PADI3: variants seen among roughly 807,000 people sequenced by gnomAD.
PADI3 encodes the protein peptidyl arginine deiminase 3.
Under a neutral mutation model 71.5 loss-of-function variants are expected in PADI3, and 53 were observed. That is an observed-to-expected ratio of 0.74 (90% CI 0.59 to 0.93). The LOEUF (loss-of-function observed/expected upper bound fraction) is 0.93. PADI3 is among the 40% of genes least tolerant of loss of function. PADI3 has a pLI of 0.00. For missense variants in PADI3, 821 were observed against 868.0 expected (o/e 0.95, Z 0.68); for synonymous variants, 361 against 347.5 (o/e 1.04, Z -0.43).
In PADI3 at chr1:17,249,625, C is replaced by G. The variant is rs189140446; in HGVS notation, c.92+396C>G. Among the ~76,000 whole-genome samples the G allele has an allele frequency of 2.7e-3, 407 of 152,342 alleles. 2 individuals carry two copies. Among genetic ancestry groups the G allele is most frequent in the Middle Eastern group, 0.01 (3 of 294 alleles). On this transcript the variant is annotated intron_variant, in intron 1 of 15. Coordinates refer to ENST00000375460, the MANE Select transcript of PADI3 (RefSeq NM_016233.2). ...CATCCTGAGCCTATGAGCCTAGAAACAGAGCATGAATCATTTTTAAAAAAT... is the reference window on the plus strand; with the variant it reads ...CATCCTGAGCCTATGAGCCTAGAAAGAGAGCATGAATCATTTTTAAAAAAT...
chr1:17,264,792 C>T (rs1161052978), intron 3 of PADI3, among the ~76,000 whole-genome samples: 1 of 152,092 alleles, frequency 6.6e-6, no homozygotes, highest in Non-Finnish European at 1.5e-5. Flanking sequence ...GGGTGGATCA[C>T]TTGAGCCCAG....
intron 3 of PADI3, among the ~76,000 whole-genome samples, chr1:17,262,814 CA>C (rs1198834283): frequency 6.6e-6 from 1 of 152,152 alleles, no homozygotes; most frequent in African/African-American, 2.4e-5. Flanking sequence ...AAGAATAAAA[CA>C]AACAAATGAA....
intron 15 of PADI3, among the ~76,000 whole-genome samples, chr1:17,281,049 GTGAA>G (rs1355526768): frequency 3.3e-5 from 5 of 152,384 alleles, no homozygotes; most frequent in African/African-American, 1.2e-4. Flanking sequence ...CATTTGTGGA[GTGAA>G]TGAATGATTG....
At position 17,249,187 on chromosome 1, in the gene PADI3, C is replaced by T. The variant is rs200581555; in HGVS notation, c.50C>T (p.Ala17Val). 9.5e-5 allele frequency: 154 copies of T among 1,613,954 alleles called. No individual in the cohort carries two copies. The highest frequency in any genetic ancestry group is 1.6e-4 in the Middle Eastern group (1 of 6,084). The change falls in exon 1 of 16, where the codon GCG (alanine) becomes GTG (valine). Residue 17 changes from alanine to valine, a missense_variant. Transcript: ENST00000375460. The stretch of plus-strand genomic sequence containing the variant: ...GTGTCCCTGGAGCATCCCACCAGCG[C>T]GGTGTGTGTGGCTGGCGTGGAGACC... The part of the protein sequence containing the change: ...VRVSLEHPTS[A>V]VCVAGVETLV...
In PADI3 at chr1:17,265,028, T is replaced by G. The variant is rs941935950; in HGVS notation, c.347-631T>G. Among the ~76,000 whole-genome samples, 4 of 142,716 alleles carry G rather than the reference T, an allele frequency of 2.8e-5. 1 individual carries two copies. The Admixed American group carries it at 2.8e-4, about 10-fold the overall frequency. 93.6% of individuals were successfully genotyped at this position (142,716 alleles called of 152,430 possible). A position where few individuals can be genotyped will look rare whatever the true frequency, so the allele number is the denominator to read the frequency against. ...TTGTCTCAAAAAAAAAAAAAAATCC[T>G]ATCTAATGTATTCTTTCTTCTCTCC... On this transcript the variant is annotated intron_variant, in intron 3 of 15. Coordinates refer to ENST00000375460, the MANE Select transcript of PADI3 (RefSeq NM_016233.2).
intron 1 of PADI3, among the ~76,000 whole-genome samples, chr1:17,252,400 C>CTTT (rs55649122): frequency 1.3e-4 from 16 of 118,992 alleles, no homozygotes; most frequent in South Asian, 2.5e-4. Context: ...TTTTCTTCTT[C>CTTT]TTTTTTTTTT....
At chr1:17,262,716 C>T (rs190807856) in intron 3 of PADI3, among the ~76,000 whole-genome samples, 2 of 152,228 alleles carry the variant, frequency 1.3e-5, no homozygotes, top group East Asian at 3.9e-4. Context: ...GAAGGTTTCA[C>T]CAGTAGACTT....
chr1:17,267,258 G>A (rs375493773), intron 5 of PADI3, among the ~76,000 whole-genome samples: 3 of 152,052 alleles, frequency 2.0e-5, no homozygotes, highest in East Asian at 3.9e-4. Context: ...TCTGATCTGG[G>A]GCCTCCCCTC....
At chr1:17,271,200 G>C in intron 9 of PADI3, 22 bp downstream of exon 9, 1 of 1,598,028 alleles carries the variant, frequency 6.3e-7, no homozygotes, top group East Asian at 2.2e-5. Context: ...CACTGGGCAG[G>C]GCCCAGCAAG....
intron 2 of PADI3, among the ~76,000 whole-genome samples, chr1:17,261,383 G>A (rs1489238376): frequency 2.0e-5 from 3 of 152,184 alleles, no homozygotes; most frequent in African/African-American, 7.2e-5. Context: ...GTCCTAAGGG[G>A]TAGGAACTAT....
intron 3 of PADI3, among the ~76,000 whole-genome samples, chr1:17,262,414 G>A (rs1445226213): frequency 2.0e-5 from 3 of 152,156 alleles, no homozygotes; most frequent in Non-Finnish European, 4.4e-5. Context: ...TAAGCAAATT[G>A]AAGCATACTA....
chr1:17,273,165 GC>G (rs1354675855), intron 9 of PADI3, among the ~76,000 whole-genome samples, 174 bp from the exon 10 acceptor site: 9 of 152,124 alleles, frequency 5.9e-5, no homozygotes, highest in Non-Finnish European at 1.0e-4. Context: ...TGAGCCTCCA[GC>G]CCCTCCTCCA....
intron 11 of PADI3, among the ~76,000 whole-genome samples, chr1:17,275,244 G>T (rs1318890109): frequency 2.6e-5 from 4 of 151,064 alleles, no homozygotes; most frequent in Non-Finnish European, 4.4e-5. Context: ...GACCATCCTG[G>T]CTAACATGGT....
Position 17,283,049 on chromosome 1 carries a change from C to G in PADI3, c.1965C>G (p.Phe655Leu). The change falls in exon 16 of 16, where the codon TTC (phenylalanine) becomes TTG (leucine). Residue 655 changes from phenylalanine (F) to leucine (L), a missense_variant. Transcript: ENST00000375460. Reference protein sequence around the residue: ...HCGTNVCRKPFSFKWWNMVP With the variant: ...HCGTNVCRKPLSFKWWNMVP Reference sequence around the variant, plus strand: ...GCACCAATGTGTGCAGAAAGCCCTTCTCTTTCAAGTGGTGGAACATGGTGC... The same window carrying G: ...GCACCAATGTGTGCAGAAAGCCCTTGTCTTTCAAGTGGTGGAACATGGTGC... 1 of 1,614,186 alleles carries G rather than the reference C, an allele frequency of 6.2e-7. No individual in the cohort carries two copies.
intron 1 of PADI3, among the ~76,000 whole-genome samples, chr1:17,253,418 C>A (rs2072989929): frequency 6.6e-6 from 1 of 152,204 alleles, no homozygotes; most frequent in South Asian, 2.1e-4. Flanking sequence ...AGCTCTCGCA[C>A]CTCAGAATGA....
chr1:17,281,663 G>A (rs2100607066), intron 15 of PADI3, among the ~76,000 whole-genome samples: 1 of 152,290 alleles, frequency 6.6e-6, no homozygotes, highest in East Asian at 1.9e-4. Flanking sequence ...ATGTTGGCCA[G>A]GCTGGTCTTG....
chr1:17,274,367 G>A lies in PADI3; in HGVS notation c.1156-268G>A, dbSNP rs2073296477. ...CCTCAGGCTCCATGTCCGATGGGGA[G>A]TGCAGGAGCAACCGGAGCGCCCCCT... On this transcript the variant is annotated intron_variant, in intron 10 of 15. Transcript: ENST00000375460. Among the ~76,000 whole-genome samples, 3 of 152,250 alleles carry A rather than the reference G, an allele frequency of 2.0e-5. No homozygotes were observed. The South Asian group carries it at 6.2e-4, about 31-fold the overall frequency.
intron 9 of PADI3, among the ~76,000 whole-genome samples, chr1:17,272,821 G>A (rs1044442451): frequency 1.2e-4 from 18 of 152,244 alleles, no homozygotes; most frequent in East Asian, 5.8e-4. Flanking sequence ...AGACCTCTTA[G>A]TTCCTCATTT....
In PADI3 at chr1:17,283,386, G is replaced by A. The variant is rs1205553475; in HGVS notation, c.*307G>A. 2 of 328,956 alleles carry A rather than the reference G, an allele frequency of 6.1e-6. No individual in the cohort carries two copies. The highest frequency in any genetic ancestry group is 4.2e-5 in the African/African-American group (2 of 47,238). The allele number at this position is 328,956 out of a possible 1,614,324, so 20.4% of individuals were successfully genotyped here. A position where few individuals can be genotyped will look rare whatever the true frequency, so the allele number is the denominator to read the frequency against. On this transcript the variant is annotated 3_prime_UTR_variant, in exon 16 of 16. Transcript: ENST00000375460. The stretch of plus-strand genomic sequence containing the variant: ...TCTCACTCTGAAATCATCCATTTGG[G>A]GACAAATCCACATTGGGGTCTAGAA...
Sources: gnomAD v4.1 joint callset for allele counts (sites outside exome capture counted in the v4.1 genomes callset) on GRCh38, gnomAD v4.1.1 for gene constraint, MANE v1.5 for transcripts, NCBI Gene and HGNC (gene_info 2026-07-23, HGNC 2026-07-21) for gene names.